WWOX: variants seen among roughly 807,000 people sequenced by gnomAD.
The protein encoded by WWOX is WW domain-containing oxidoreductase.
A neutral mutation model predicts 46.2 loss-of-function variants in WWOX; 69 were observed. That is an observed-to-expected ratio of 1.49 (90% CI 1.23 to 1.82). The LOEUF is 1.82. Among genes scored for constraint, WWOX ranks in the 40% most tolerant of loss-of-function variants. WWOX has a pLI of 0.00. For missense variants in WWOX, 919 were observed against 542.6 expected (o/e 1.69, Z -6.89); for synonymous variants, 359 against 202.6 (o/e 1.77, Z -6.56).
intron 8 of WWOX, among the ~76,000 whole-genome samples, chr16:78,921,183 T>C (rs2134994): frequency 7.8e-4 from 119 of 152,210 alleles, no homozygotes; most frequent in African/African-American, 2.8e-3. Context: ...AACACTGTAA[T>C]GAGGGTATTC....
At chr16:78,196,353 A>G (rs2151769445) in intron 5 of WWOX, among the ~76,000 whole-genome samples, 1 of 152,272 alleles carries the variant, frequency 6.6e-6, no homozygotes, top group Non-Finnish European at 1.5e-5. Flanking sequence ...TTTCATTCTA[A>G]TTCCCTGAAG....
intron 8 of WWOX, among the ~76,000 whole-genome samples, chr16:78,842,173 G>A (rs970902058): frequency 2.0e-5 from 3 of 152,104 alleles, no homozygotes; most frequent in South Asian, 2.1e-4. Flanking sequence ...CGATTCAGCA[G>A]TGGAACACTT....
chr16:78,770,812 C>T (rs538747682), intron 8 of WWOX, among the ~76,000 whole-genome samples: 21 of 152,266 alleles, frequency 1.4e-4, no homozygotes, highest in Non-Finnish European at 2.5e-4. Context: ...TCTTTCCTCC[C>T]AAGCCGAGCA....
At chr16:78,738,577 A>G (rs2142407795) in intron 8 of WWOX, among the ~76,000 whole-genome samples, 1 of 152,230 alleles carries the variant, frequency 6.6e-6, no homozygotes, top group East Asian at 2.0e-4. Flanking sequence ...AAGTTTGTTC[A>G]AAACAACTGC....
At chr16:78,645,287 C>A (rs1469536371) in intron 8 of WWOX, among the ~76,000 whole-genome samples, 1 of 152,112 alleles carries the variant, frequency 6.6e-6, no homozygotes, top group Non-Finnish European at 1.5e-5. Context: ...GAGGCCCATC[C>A]TGACCATCTG....
chr16:78,825,043 T>C (rs762715323), intron 8 of WWOX, among the ~76,000 whole-genome samples: 3 of 152,100 alleles, frequency 2.0e-5, no homozygotes, highest in Non-Finnish European at 4.4e-5. Flanking sequence ...CCCTAAACCC[T>C]ACAAGGCTAG....
intron 8 of WWOX, among the ~76,000 whole-genome samples, chr16:78,744,590 C>T (rs756156932): frequency 4.0e-5 from 6 of 151,280 alleles, no homozygotes; most frequent in Admixed American, 2.0e-4. Flanking sequence ...TGCCACCACA[C>T]CTGGCTAATT....
chr16:78,415,718 C>G (rs2082782921), intron 6 of WWOX, among the ~76,000 whole-genome samples: 1 of 152,120 alleles, frequency 6.6e-6, no homozygotes, highest in African/African-American at 2.4e-5. Flanking sequence ...GAGCTGGTCC[C>G]TTTGCAGTAG....
intron 6 of WWOX, among the ~76,000 whole-genome samples, chr16:78,422,069 A>G (rs74028191): frequency 0.087 from 13,197 of 152,150 alleles, 1,649 homozygotes; most frequent in African/African-American, 0.28. Flanking sequence ...GACGTGTTAA[A>G]TATTGCAATG....
At chr16:78,781,822 A>G (rs1220219281) in intron 8 of WWOX, among the ~76,000 whole-genome samples, 1 of 152,242 alleles carries the variant, frequency 6.6e-6, no homozygotes, top group East Asian at 1.9e-4. Flanking sequence ...TCTAAGTAGA[A>G]GTAATGATGA....
chr16:78,569,192 A>G (rs1249327259), intron 8 of WWOX, among the ~76,000 whole-genome samples: 1 of 152,202 alleles, frequency 6.6e-6, no homozygotes, highest in African/African-American at 2.4e-5. Flanking sequence ...TTCTGTAGCA[A>G]AGATGTACTG....
Position 78,754,190 on chromosome 16 carries a change from C to G in WWOX, c.1056+321438C>G, listed in dbSNP as rs147645173. On this transcript the variant is annotated intron_variant, in intron 8 of 8. Transcript: ENST00000566780. ...ACTTGGTCCCTGGGGATGCCATCTT[C>G]TCTGTCTTCACTCGGTGAGGATGGA... Among the ~76,000 whole-genome samples, 516 of 152,198 alleles carry G rather than the reference C, an allele frequency of 3.4e-3. 3 individuals are homozygous for G. The highest frequency in any genetic ancestry group is 0.017 in the Middle Eastern group (5 of 294).
intron 8 of WWOX, among the ~76,000 whole-genome samples, chr16:78,524,428 A>ATTTATTTG (rs1555554323): frequency 1.4e-5 from 2 of 148,084 alleles, no homozygotes; most frequent in African/African-American, 5.1e-5. Flanking sequence ...TTATTTATTT[A>ATTTATTTG]TTTGTTTGTT....
At chr16:78,911,511 AT>A (rs2151256084) in intron 8 of WWOX, among the ~76,000 whole-genome samples, 1 of 152,076 alleles carries the variant, frequency 6.6e-6, no homozygotes, top group South Asian at 2.1e-4. Context: ...GAAATGGACA[AT>A]TCTTTTGGTA....
chr16:78,280,909 T>C (rs2079666445), intron 5 of WWOX: 1 of 153,318 alleles, frequency 6.5e-6, no homozygotes, highest in African/African-American at 2.4e-5. Flanking sequence ...ATCAAATGAA[T>C]CTTCAGCCAA....
At chr16:79,052,729 A>C (rs1267868695) in intron 8 of WWOX, among the ~76,000 whole-genome samples, 1 of 152,228 alleles carries the variant, frequency 6.6e-6, no homozygotes, top group Non-Finnish European at 1.5e-5. Flanking sequence ...CTCTCATGGC[A>C]AAACTGCTGG....
At chr16:79,126,480 T>C (rs2049757782) in intron 8 of WWOX, among the ~76,000 whole-genome samples, 1 of 152,106 alleles carries the variant, frequency 6.6e-6, no homozygotes, top group African/African-American at 2.4e-5. Flanking sequence ...TTGTAAGTGT[T>C]TGGTAGTTCG....
intron 8 of WWOX, among the ~76,000 whole-genome samples, chr16:78,981,123 C>G (rs1474081615): frequency 6.6e-6 from 1 of 152,204 alleles, no homozygotes; most frequent in African/African-American, 2.4e-5. Flanking sequence ...TGGTGTTGAA[C>G]CAGTGTCCTA....
At chr16:78,732,676 G>C (rs770748257) in intron 8 of WWOX, among the ~76,000 whole-genome samples, 1 of 152,028 alleles carries the variant, frequency 6.6e-6, no homozygotes, top group Non-Finnish European at 1.5e-5. Context: ...ACCTAGATAG[G>C]TGCAGGCATA....
Sources: gnomAD v4.1 joint callset for allele counts (sites outside exome capture counted in the v4.1 genomes callset) on GRCh38, gnomAD v4.1.1 for gene constraint, MANE v1.5 for transcripts, NCBI Gene and HGNC (gene_info 2026-07-23, HGNC 2026-07-21) for gene names.